Variants in ABCA5 observed in about 807,000 individuals in gnomAD.
ABCA5 encodes ATP binding cassette subfamily A member 5.
A neutral mutation model predicts 206.0 loss-of-function variants in ABCA5; 163 were observed. The ratio of observed to expected loss-of-function variants is 0.79; its 90% CI spans 0.70 to 0.90. The LOEUF (loss-of-function observed/expected upper bound fraction) is 0.90. Among genes scored for constraint, ABCA5 ranks in the 40% least tolerant of loss-of-function variants. The pLI is 0.00. For synonymous variants in ABCA5, 609 were observed against 613.8 expected (o/e 0.99, Z 0.11); for missense variants, 1,859 against 1,912.9 (o/e 0.97, Z 0.53).
At chr17:69,254,556 CATTA>C in intron 31 of ABCA5, 66 bp from the exon 32 acceptor site, 3 of 1,347,364 alleles carry the variant, frequency 2.2e-6, no homozygotes, top group Non-Finnish European at 1.0e-6. Context: ...GTGGCAAGTA[CATTA>C]ATTAAAACCC....
rs2075262130 is a variant in ABCA5, at chr17:69,270,640, G to A, written c.3003C>T (p.Ile1001=). 6.3e-7 allele frequency: 1 copy of A among 1,595,764 alleles called. No homozygotes were observed. Among genetic ancestry groups the A allele is most frequent in the Non-Finnish European group, 8.5e-7 (1 of 1,173,574 alleles). ...GAAAGAATGGGGTACTCCAGATCTG[G>A]ATGGTTTCAGTCACATTTAAATGAT... The part of the protein sequence containing the change: ...YLYHLNVTET[I]QIWSTPFFQE... Residue 1001 remains isoleucine, a synonymous_variant, in exon 22 of 39, where the codon ATC becomes ATT. Coordinates refer to ENST00000392676, the MANE Select transcript of ABCA5 (RefSeq NM_172232.4).
At chr17:69,262,075 C>T (rs1408228965) in intron 24 of ABCA5, among the ~76,000 whole-genome samples, 2 of 152,022 alleles carry the variant, frequency 1.3e-5, no homozygotes, top group East Asian at 1.9e-4. Flanking sequence ...CTGACAAAAT[C>T]GGTAAATTTA....
At chr17:69,258,654 C>A (rs1259319622) in intron 28 of ABCA5, among the ~76,000 whole-genome samples, 4 of 151,982 alleles carry the variant, frequency 2.6e-5, no homozygotes, top group African/African-American at 9.7e-5. Flanking sequence ...ATGCAATATA[C>A]CCAGCTAACA....
At position 69,261,712 on chromosome 17, in the gene ABCA5, G is replaced by C. The variant is rs1243829533; in HGVS notation, c.3352C>G (p.Leu1118Val). The change falls in exon 25 of 39, where the codon CTG becomes GTG. Residue 1118 changes from leucine to valine, a missense_variant. By Grantham distance (32) the Leu-to-Val change is conservative. Transcript: ENST00000392676. ...CLIGYVPSVI[L>V]FTYIASFTFK... is the part of the protein sequence containing the mutation. ...GTGAAAGAAGCAATATAAGTGAACA[G>C]AATAACTGATGGAACATAACCAATA... The C allele has an allele frequency of 6.7e-7, 1 of 1,500,368 alleles. No individual in the cohort carries two copies. Among genetic ancestry groups the C allele is most frequent in the South Asian group, 1.3e-5 (1 of 76,422 alleles). 92.9% of individuals were successfully genotyped at this position (1,500,368 alleles called of 1,614,324 possible). A position where few individuals can be genotyped will look rare whatever the true frequency, so the allele number is the denominator to read the frequency against.
At position 69,250,614 on chromosome 17, in the gene ABCA5, C is replaced by T. The variant is rs766953080; in HGVS notation, c.4543G>A (p.Gly1515Arg). 35 of 1,551,800 alleles carry T rather than the reference C, an allele frequency of 2.3e-5. No homozygotes were observed. The highest frequency in any genetic ancestry group is 6.4e-5 in the Admixed American group (3 of 46,958). The change falls in exon 36 of 39, where the codon GGA becomes AGA. Residue 1515 changes from glycine to arginine, a missense_variant. Transcript: ENST00000392676. ...TTACTCTTTAGATGTTGTACTGTTC[C>T]GATACATCTGAAGTAATTTTTTAAA... The part of the protein sequence containing the change: ...IMVSGQLRCI[G>R]TVQHLKSKFG...
At chr17:69,254,070 T>C (rs1379217581) in intron 32 of ABCA5, among the ~76,000 whole-genome samples, 2 of 152,168 alleles carry the variant, frequency 1.3e-5, no homozygotes, top group Non-Finnish European at 2.9e-5. Flanking sequence ...TGAATTAAAA[T>C]AAGTTTCATG....
rs2075263237 is a variant in ABCA5 at position 69,270,721 on chromosome 17, A to C, written c.2922T>G (p.Ser974Arg). The C allele has an allele frequency of 2.6e-6, 4 of 1,565,330 alleles. No individual in the cohort carries two copies. The South Asian group carries it at 3.7e-5, about 14-fold the overall frequency. The change falls in exon 22 of 39, where the codon AGT becomes AGG. Residue 974 changes from serine to arginine, a missense_variant. Coordinates refer to ENST00000392676, the MANE Select transcript of ABCA5 (RefSeq NM_172232.4). ...KDYVFAAVFN[S>R]TMVYSLPILV... ...ATATAGGTAAAGAATAAACCATAGT[A>C]CTGTTGAAAACAGCTGCAAAAACAT... is the stretch of plus-strand genomic sequence containing the variant.
chr17:69,308,520 C>A (rs520389), intron 4 of ABCA5, 152 bp from the exon 5 acceptor site: 16,621 of 446,612 alleles, frequency 0.037, 419 homozygotes, highest in Non-Finnish European at 0.047. Context: ...CAAAGGTAAA[C>A]AATACTTACA....
At chr17:69,256,870 A>G (rs2075089232) in intron 28 of ABCA5, among the ~76,000 whole-genome samples, 1 of 152,170 alleles carries the variant, frequency 6.6e-6, no homozygotes, top group South Asian at 2.1e-4. Flanking sequence ...ACACAGAAAG[A>G]AAGATGAAAA....
intron 1 of ABCA5, among the ~76,000 whole-genome samples, chr17:69,324,654 C>T (rs557592317): frequency 3.4e-4 from 52 of 152,298 alleles, no homozygotes; most frequent in African/African-American, 1.3e-3. Flanking sequence ...CAGATTATGA[C>T]CTTGAATCCT....
chr17:69,273,817 T>C (rs531209724), intron 20 of ABCA5, 142 bp downstream of exon 20: 2 of 737,150 alleles, frequency 2.7e-6, no homozygotes, highest in African/African-American at 3.7e-5. Flanking sequence ...ATCAATAAGA[T>C]ACGTATTGAA....
rs1441236305 is a variant in ABCA5, at chr17:69,247,433, T to C, written c.*104A>G. Reference sequence around the variant, plus strand: ...GGAGCTTAGAAAAATTTCAAGTGCGTTCTTGGTTCTCCAGTTACCATTCCA... The same window carrying C: ...GGAGCTTAGAAAAATTTCAAGTGCGCTCTTGGTTCTCCAGTTACCATTCCA... On this transcript the variant is annotated 3_prime_UTR_variant, in exon 39 of 39. Transcript: ENST00000392676. The C allele has an allele frequency of 1.4e-6, 1 of 717,322 alleles. No homozygotes were observed. Among genetic ancestry groups the C allele is most frequent in the Non-Finnish European group, 2.3e-6 (1 of 428,238 alleles). The allele number at this position is 717,322 out of a possible 1,614,324, so 44.4% of individuals were successfully genotyped here.
intron 17 of ABCA5, among the ~76,000 whole-genome samples, chr17:69,284,400 A>G (rs2075428969): frequency 1.3e-5 from 2 of 152,058 alleles, no homozygotes. Flanking sequence ...ATGGGAATAT[A>G]TCTATTATCA....
At chr17:69,269,219 T>C (rs1462701610) in intron 22 of ABCA5, among the ~76,000 whole-genome samples, 1 of 152,182 alleles carries the variant, frequency 6.6e-6, no homozygotes, top group Non-Finnish European at 1.5e-5. Context: ...AAAACACGTA[T>C]GGGAATTACA....
At chr17:69,261,086 T>G (rs761550086) in intron 26 of ABCA5, 39 bp downstream of exon 26, 6 of 1,467,892 alleles carry the variant, frequency 4.1e-6, no homozygotes, top group Non-Finnish European at 5.5e-6. Context: ...CATATTTATT[T>G]TATGTTTTTT....
At chr17:69,268,638 A>T (rs2075237538) in intron 22 of ABCA5, 1 of 152,206 alleles carries the variant, frequency 6.6e-6, no homozygotes, top group South Asian at 2.1e-4. Context: ...TCAAATGCAG[A>T]TTACCCAAGT....
chr17:69,264,914 A>G lies in ABCA5; in HGVS notation c.3145-9T>C. 2 of 1,463,002 alleles carry G rather than the reference A, an allele frequency of 1.4e-6. No individual in the cohort carries two copies. Among genetic ancestry groups the G allele is most frequent in the Non-Finnish European group, 9.1e-7 (1 of 1,103,436 alleles). The allele number at this position is 1,463,002 out of a possible 1,614,324, so 90.6% of individuals were successfully genotyped here. A position where few individuals can be genotyped will look rare whatever the true frequency, so the allele number is the denominator to read the frequency against. Reference sequence around the variant, plus strand: ...TGAGTATAAGCTTTGATCTAAAAAAAATGAAAAACAATTTATTATAATTTT... The same window carrying G: ...TGAGTATAAGCTTTGATCTAAAAAAGATGAAAAACAATTTATTATAATTTT... On this transcript the variant is annotated splice_polypyrimidine_tract_variant and intron_variant, in intron 23 of 38. Transcript: ENST00000392676.
chr17:69,270,768 A>G lies in ABCA5; in HGVS notation c.2893-18T>C. Reference sequence around the variant, plus strand: ...ACATAGTCCTACAATTAAAAAAAAGACACTTATTACATACTGTATATAAGC... The same window carrying G: ...ACATAGTCCTACAATTAAAAAAAAGGCACTTATTACATACTGTATATAAGC... On this transcript the variant is annotated intron_variant, in intron 21 of 38. Coordinates refer to ENST00000392676, the MANE Select transcript of ABCA5 (RefSeq NM_172232.4). 6.6e-7 allele frequency: 1 copy of G among 1,518,264 alleles called. No homozygotes were observed. Among genetic ancestry groups the G allele is most frequent in the South Asian group, 1.3e-5 (1 of 74,228 alleles). The allele number at this position is 1,518,264 out of a possible 1,614,324, so 94.0% of individuals were successfully genotyped here. A position where few individuals can be genotyped will look rare whatever the true frequency, so the allele number is the denominator to read the frequency against.
intron 1 of ABCA5, among the ~76,000 whole-genome samples, chr17:69,320,046 G>A (rs1473804692): frequency 1.3e-5 from 2 of 152,146 alleles, no homozygotes; most frequent in Admixed American, 6.5e-5. Context: ...TCTTTGGGTT[G>A]TTAAAATGAC....
Sources: gnomAD v4.1 joint callset for allele counts (sites outside exome capture counted in the v4.1 genomes callset) on GRCh38, gnomAD v4.1.1 for gene constraint, MANE v1.5 for transcripts, NCBI Gene and HGNC (gene_info 2026-07-23, HGNC 2026-07-21) for gene names.